SLCO1A2: variants seen among roughly 807,000 people sequenced by gnomAD.
SLCO1A2 encodes the protein OATP-1.
A neutral mutation model predicts 69.0 loss-of-function variants in SLCO1A2; 67 were observed. The observed-to-expected ratio is 0.97, with a 90% CI of 0.80 to 1.19. The LOEUF is 1.19. Ranked by LOEUF, SLCO1A2 falls within the 50% of genes most tolerant of loss-of-function variation. The pLI, the probability that SLCO1A2 is intolerant of heterozygous loss-of-function variation, is 0.00. For synonymous variants in SLCO1A2, 260 were observed against 265.9 expected (o/e 0.98, Z 0.22); for missense variants, 787 against 793.7 (o/e 0.99, Z 0.10).
chr12:21,372,391 C>T (rs75785908), intron 2 of SLCO1A2, among the ~76,000 whole-genome samples: 119 of 152,282 alleles, frequency 7.8e-4, no homozygotes, highest in African/African-American at 2.8e-3. Context: ...TTCCATTACT[C>T]TTATGCTTTT....
intron 4 of SLCO1A2, among the ~76,000 whole-genome samples, chr12:21,310,811 G>A (rs1181256299): frequency 6.6e-6 from 1 of 152,130 alleles, no homozygotes; most frequent in Non-Finnish European, 1.5e-5. Flanking sequence ...CACCGTGTTA[G>A]CCAGGATGGT....
chr12:21,347,472 C>A (rs1953292512), intron 2 of SLCO1A2, among the ~76,000 whole-genome samples: 1 of 152,028 alleles, frequency 6.6e-6, no homozygotes, highest in Admixed American at 6.6e-5. Context: ...ATGGTGAAAC[C>A]CCCTCTCTAC....
In SLCO1A2 at chr12:21,276,833, A is replaced by T. The variant is rs914129085; in HGVS notation, c.1611-1409T>A. Among the ~76,000 whole-genome samples, 13 of 152,336 alleles carry T rather than the reference A, an allele frequency of 8.5e-5. 1 individual carries two copies. In the East Asian group the frequency reaches 2.5e-3, roughly 29 times the overall value. On this transcript the variant is annotated intron_variant, in intron 12 of 14. Transcript: ENST00000683939. ...AGCTAAACTCAGCTGATTCTTACCCATGGAGGGAGCATTTAGACTAGCTAT... is the reference window on the plus strand; with the variant it reads ...AGCTAAACTCAGCTGATTCTTACCCTTGGAGGGAGCATTTAGACTAGCTAT...
At chr12:21,368,470 AT>A (rs35001636) in intron 2 of SLCO1A2, among the ~76,000 whole-genome samples, 45,305 of 148,760 alleles carry the variant, frequency 0.3, 6,838 homozygotes, top group East Asian at 0.46. Flanking sequence ...AACCAGTTAA[AT>A]TTTTTTTTTT....
intron 8 of SLCO1A2, among the ~76,000 whole-genome samples, chr12:21,299,800 G>A (rs1051338629): frequency 2.1e-4 from 22 of 103,644 alleles, no homozygotes; most frequent in East Asian, 5.3e-4. Flanking sequence ...ACACACACAC[G>A]TATATATATA....
chr12:21,359,007 G>A lies in SLCO1A2; in HGVS notation c.-63+15392C>T, dbSNP rs545750549. ...GAGGAGAGATAATGACTTATCTTCA[G>A]AATCCTATGCTTAGCTAAGACAGCA... On this transcript the variant is annotated intron_variant, in intron 2 of 15. Coordinates refer to the SLCO1A2 transcript ENST00000307378. 2.0e-5 allele frequency among the ~76,000 whole-genome samples: 3 copies of A among 152,330 alleles called. No homozygotes were observed. In the South Asian group the frequency reaches 6.2e-4, roughly 32 times the overall value.
intron 1 of SLCO1A2, among the ~76,000 whole-genome samples, chr12:21,386,779 A>G (rs963483031): frequency 1.3e-5 from 2 of 152,100 alleles, no homozygotes; most frequent in African/African-American, 4.8e-5. Context: ...TGTGGAAGCA[A>G]CTTTGGAACT....
At chr12:21,306,772 A>C (rs1018065405) in intron 5 of SLCO1A2, 110 bp downstream of exon 5, 2 of 645,944 alleles carry the variant, frequency 3.1e-6, no homozygotes, top group Non-Finnish European at 5.4e-6. Flanking sequence ...GAGAGAGAAC[A>C]TATCTTTGTT....
rs185268549 is a variant in SLCO1A2, at chr12:21,332,259, G to A, written c.60+2329C>T. Among the ~76,000 whole-genome samples, 479 of 152,172 alleles carry A rather than the reference G, an allele frequency of 3.1e-3. 4 individuals carry two copies. Among genetic ancestry groups the A allele is most frequent in the Non-Finnish European group, 2.5e-3 (171 of 67,996 alleles). ...ATTGGGAAGGTCAAGATAACTCAAA[G>A]CAGGAACTTGCAGGTCACAGGTAGA... On this transcript the variant is annotated intron_variant, in intron 2 of 14. Coordinates refer to ENST00000683939, the MANE Select transcript of SLCO1A2 (RefSeq NM_001386879.1).
At chr12:21,342,026 C>A (rs1383017475) in intron 2 of SLCO1A2, among the ~76,000 whole-genome samples, 3 of 151,972 alleles carry the variant, frequency 2.0e-5, no homozygotes, top group African/African-American at 7.2e-5. Context: ...TACCGTTTGT[C>A]AGCATGGTGG....
intron 1 of SLCO1A2, among the ~76,000 whole-genome samples, chr12:21,414,896 T>C (rs1941965842): frequency 1.3e-5 from 2 of 152,290 alleles, no homozygotes; most frequent in South Asian, 2.1e-4. Context: ...TATTATTTGA[T>C]GATATATTGT....
chr12:21,378,240 T>A, intron 1 of SLCO1A2: 1 of 1,614,110 alleles, frequency 6.2e-7, no homozygotes, highest in Non-Finnish European at 8.5e-7. Context: ...TTACCAGTCA[T>A]CAGGTGGAAA....
intron 2 of SLCO1A2, among the ~76,000 whole-genome samples, chr12:21,361,432 G>A (rs1938869674): frequency 6.6e-6 from 1 of 152,174 alleles, no homozygotes; most frequent in Admixed American, 6.5e-5. Context: ...CAAAGATGGG[G>A]AGAAACCAGA....
intron 2 of SLCO1A2, among the ~76,000 whole-genome samples, chr12:21,365,819 C>T (rs1022989933): frequency 3.8e-4 from 58 of 152,182 alleles, no homozygotes; most frequent in Non-Finnish European, 6.2e-4. Context: ...CACTGGCCAT[C>T]AGAGAAATGC....
chr12:21,416,548 A>C (rs528156609), intron 1 of SLCO1A2, among the ~76,000 whole-genome samples: 1 of 152,028 alleles, frequency 6.6e-6, no homozygotes, highest in East Asian at 1.9e-4. Context: ...GGTATGTGTG[A>C]CCTGCTCATG....
intron 12 of SLCO1A2, among the ~76,000 whole-genome samples, chr12:21,279,391 A>G (rs780041379): frequency 6.6e-6 from 1 of 152,198 alleles, no homozygotes; most frequent in Non-Finnish European, 1.5e-5. Flanking sequence ...TAACCCAAAG[A>G]TTACCTCAAG....
chr12:21,292,390 T>G (rs558617182), intron 11 of SLCO1A2, 54 bp from the exon 12 acceptor site: 1 of 1,471,288 alleles, frequency 6.8e-7, no homozygotes, highest in East Asian at 2.3e-5. Context: ...ACACAAATTT[T>G]AAACATTTTC....
intron 2 of SLCO1A2, among the ~76,000 whole-genome samples, chr12:21,355,165 T>C (rs1938265652): frequency 6.6e-6 from 1 of 152,182 alleles, no homozygotes; most frequent in African/African-American, 2.4e-5. Flanking sequence ...GTTGGCAATT[T>C]TAAGAAGACC....
At chr12:21,319,246 C>A (rs1951273821) in intron 2 of SLCO1A2, 2 of 948,700 alleles carry the variant, frequency 2.1e-6, no homozygotes, top group Non-Finnish European at 3.1e-6. Flanking sequence ...ACAATGATAT[C>A]TAAAGTACAA....
Sources: gnomAD v4.1 joint callset for allele counts (sites outside exome capture counted in the v4.1 genomes callset) on GRCh38, gnomAD v4.1.1 for gene constraint, MANE v1.5 for transcripts, NCBI Gene and HGNC (gene_info 2026-07-23, HGNC 2026-07-21) for gene names.